Variants in BCL2L11 observed in about 807,000 individuals in gnomAD.
The protein encoded by BCL2L11 is bcl-2-like protein 11.
BCL2L11 carries 15 observed loss-of-function variants against 20.6 expected under a neutral mutation model. That is an observed-to-expected ratio of 0.73 (90% confidence interval 0.49 to 1.12). BCL2L11 has a LOEUF of 1.12. Ranked by LOEUF, BCL2L11 falls within the 50% of genes most tolerant of loss-of-function variation. The pLI is 0.00. For synonymous variants in BCL2L11, 108 were observed against 92.8 expected, an observed-to-expected ratio of 1.16 and a Z score of -0.94; for missense variants, 292 against 260.9, an observed-to-expected ratio of 1.12 and a Z score of -0.82.
At chr2:111,122,560 G>A in intron 1 of BCL2L11, 1 of 970,558 alleles carries the variant, frequency 1.0e-6, no homozygotes, top group Non-Finnish European at 1.2e-6. Context: ...GACCAATTGG[G>A]AACGCGGGCA....
intron 3 of BCL2L11, among the ~76,000 whole-genome samples, chr2:111,152,134 G>A (rs1403414780): frequency 6.6e-6 from 1 of 152,168 alleles, no homozygotes; most frequent in Non-Finnish European, 1.5e-5. Flanking sequence ...TCCCGATTCT[G>A]GTATTGTGTC....
rs557626761 is a variant in BCL2L11, at chr2:111,136,617, A to G, written c.394+12478A>G. On this transcript the variant is annotated intron_variant, in intron 2 of 3. Transcript: ENST00000393256. ...TGGAGGGTGATAAGTACAAGACAAA[A>G]GCAGGTTTGGTGTGCGGTGAGGGCC... Among the ~76,000 whole-genome samples, 29 of 152,320 alleles carry G rather than the reference A, an allele frequency of 1.9e-4. 1 individual carries two copies. Among genetic ancestry groups the G allele is most frequent in the Admixed American group, 1.5e-3 (23 of 15,300 alleles).
intron 3 of BCL2L11, chr2:111,161,368 A>G: frequency 6.5e-7 from 1 of 1,543,772 alleles, no homozygotes; most frequent in Non-Finnish European, 8.8e-7. Flanking sequence ...TGTCTTTTTT[A>G]TATTACCCAG....
chr2:111,161,336 C>T, intron 3 of BCL2L11: 1 of 1,489,402 alleles, frequency 6.7e-7, no homozygotes, highest in Non-Finnish European at 9.1e-7. Context: ...TTAAAAAACG[C>T]TTGTAATCAG....
At chr2:111,129,333 G>C (rs960907819) in intron 2 of BCL2L11, among the ~76,000 whole-genome samples, 9 of 151,994 alleles carry the variant, frequency 5.9e-5, no homozygotes, top group Non-Finnish European at 1.2e-4. Flanking sequence ...AAACTTTTTA[G>C]GTCCTAAGTG....
At position 111,123,970 on chromosome 2, in the gene BCL2L11, C is replaced by T. The variant is rs1233570580; in HGVS notation, c.225C>T (p.Thr75=). 1 of 1,614,236 alleles carries T rather than the reference C, an allele frequency of 6.2e-7. No individual in the cohort carries two copies. Among genetic ancestry groups the T allele is most frequent in the South Asian group, 1.1e-5 (1 of 91,090 alleles). ...APPASPGPFA[T]RSPLFIFMRR... is the part of the protein sequence containing the mutation. ...CTGCCAGCCCTGGCCCTTTTGCTAC[C>T]AGATCCCCGCTTTTCATCTTTATGA... The change falls in exon 2 of 4, where the codon ACC becomes ACT. Residue 75 remains threonine (T), a synonymous_variant. Transcript: ENST00000393256.
At chr2:111,152,950 A>T (rs1485274663) in intron 3 of BCL2L11, among the ~76,000 whole-genome samples, 1 of 152,248 alleles carries the variant, frequency 6.6e-6, no homozygotes, top group African/African-American at 2.4e-5. Context: ...GTGCAAAAAT[A>T]CAGTCACAAA....
At chr2:111,154,443 C>G (rs188595979) in intron 3 of BCL2L11, among the ~76,000 whole-genome samples, 1 of 152,000 alleles carries the variant, frequency 6.6e-6, no homozygotes, top group African/African-American at 2.4e-5. Flanking sequence ...CCTCTGGTTC[C>G]GTTAATTTGG....
Position 111,164,370 on chromosome 2 carries a change from A to G in BCL2L11, c.*139A>G, listed in dbSNP as rs2078924886. 1 of 649,934 alleles carries G rather than the reference A, an allele frequency of 1.5e-6. No homozygotes were observed. Among genetic ancestry groups the G allele is most frequent in the South Asian group, 1.8e-5 (1 of 56,752 alleles). 40.3% of individuals were successfully genotyped at this position (649,934 alleles called of 1,614,324 possible). Reference sequence around the variant, plus strand: ...GAGGGGGCAGGTGACGTTTCAGAAGACACCGAGCTGGATGGGACTACCTTT... The same window carrying G: ...GAGGGGGCAGGTGACGTTTCAGAAGGCACCGAGCTGGATGGGACTACCTTT... On this transcript the variant is annotated 3_prime_UTR_variant, in exon 4 of 4. Transcript: ENST00000393256.
At chr2:111,122,443 C>T (rs1029028356) in intron 1 of BCL2L11, among the ~76,000 whole-genome samples, 2 of 152,206 alleles carry the variant, frequency 1.3e-5, no homozygotes, top group African/African-American at 4.8e-5. Context: ...CAGAGCAGCG[C>T]TCGGAGGCGA....
rs111561629 is a variant in BCL2L11, at chr2:111,147,088, A to G, written c.395-2956A>G. ...TCTATTTCCATAATAACTTTTTAAA[A>G]CTACACCTAAGTACAGTTGATAGCT... On this transcript the variant is annotated intron_variant, in intron 2 of 3. Transcript: ENST00000393256. Among the ~76,000 whole-genome samples the G allele has an allele frequency of 5.1e-4, 78 of 152,320 alleles. 4 individuals are homozygous for G. The highest frequency in any genetic ancestry group is 1.9e-3 in the African/African-American group (77 of 41,568).
At chr2:111,138,574 C>T (rs768523531) in intron 2 of BCL2L11, among the ~76,000 whole-genome samples, 4 of 152,190 alleles carry the variant, frequency 2.6e-5, no homozygotes, top group Admixed American at 2.0e-4. Context: ...GGACCATCAC[C>T]GAAAGTACTC....
At position 111,121,138 on chromosome 2, in the gene BCL2L11, C is replaced by T; in HGVS notation, c.-64C>T. ...CCACCGCCTCGGCGCCCTTTCTTGG[C>T]CCTTGTTCCCCCAAATGTCTGACTC... On this transcript the variant is annotated 5_prime_UTR_variant, in exon 1 of 4. Transcript: ENST00000393256. 1.1e-5 allele frequency: 3 copies of T among 266,346 alleles called. No homozygotes were observed. The highest frequency in any genetic ancestry group is 1.2e-3 in the Middle Eastern group (1 of 852). 16.5% of individuals were successfully genotyped at this position (266,346 alleles called of 1,614,324 possible).
intron 2 of BCL2L11, among the ~76,000 whole-genome samples, chr2:111,149,298 T>C (rs2076961975): frequency 6.6e-6 from 1 of 152,220 alleles, no homozygotes; most frequent in South Asian, 2.1e-4. Context: ...TGGGTGTGAA[T>C]GTTAGTGACA....
At chr2:111,130,225 C>A in intron 2 of BCL2L11, 1 of 300,962 alleles carries the variant, frequency 3.3e-6, no homozygotes, top group Non-Finnish European at 6.6e-6. Flanking sequence ...CTGCCTCAGC[C>A]TCCCAAGTAG....
At chr2:111,155,516 C>T (rs1317388762) in intron 3 of BCL2L11, among the ~76,000 whole-genome samples, 1 of 152,176 alleles carries the variant, frequency 6.6e-6, no homozygotes, top group Non-Finnish European at 1.5e-5. Flanking sequence ...TGTAAAAATG[C>T]TTACTCTTGG....
intron 2 of BCL2L11, among the ~76,000 whole-genome samples, chr2:111,125,394 A>G (rs556382259): frequency 3.9e-5 from 6 of 152,360 alleles, no homozygotes; most frequent in Admixed American, 1.3e-4. Context: ...TCAGTAGTCA[A>G]TCACATTGAC....
rs147148789 is a variant in BCL2L11 at position 111,138,356 on chromosome 2, T to C, written c.395-11688T>C. The stretch of plus-strand genomic sequence containing the variant: ...CCTTTGTGTATGTACACAATTGTCA[T>C]AACTAGTATTATGTTTATAATCAGA... On this transcript the variant is annotated intron_variant, in intron 2 of 3. Coordinates refer to ENST00000393256, the MANE Select transcript of BCL2L11 (RefSeq NM_138621.5). 2.3e-3 allele frequency among the ~76,000 whole-genome samples: 346 copies of C among 152,344 alleles called. 1 individual carries two copies. The highest frequency in any genetic ancestry group is 3.4e-3 in the Middle Eastern group (1 of 294).
In BCL2L11 at chr2:111,124,155, G is replaced by A. The variant is rs769799343; in HGVS notation, c.394+16G>A. 11 of 1,585,220 alleles carry A rather than the reference G, an allele frequency of 6.9e-6. No homozygotes were observed. Among genetic ancestry groups the A allele is most frequent in the Middle Eastern group, 2.2e-4 (1 of 4,532 alleles). On this transcript the variant is annotated intron_variant, in intron 2 of 3. Coordinates refer to ENST00000393256, the MANE Select transcript of BCL2L11 (RefSeq NM_138621.5). ...AGTGCAATGGGTAAGCAATGCCTGG[G>A]TAAGAGGCAGTTGACGTGTGGATGG...
Sources: gnomAD v4.1 joint callset for allele counts (sites outside exome capture counted in the v4.1 genomes callset) on GRCh38, gnomAD v4.1.1 for gene constraint, MANE v1.5 for transcripts, NCBI Gene and HGNC (gene_info 2026-07-23, HGNC 2026-07-21) for gene names.